Variants in SYN1 observed in about 807,000 individuals in gnomAD.
The protein encoded by SYN1 is synapsin I, also known as synapsin-1.
In SYN1, 8 loss-of-function variants were observed where a neutral mutation model predicts 44.6. That is an observed-to-expected ratio of 0.18 (90% CI 0.11 to 0.32). The LOEUF (loss-of-function observed/expected upper bound fraction) is 0.32. SYN1 is among the 10% of genes least tolerant of loss of function. The pLI is 1.00. For synonymous variants in SYN1, 275 were observed against 280.1 expected, an observed-to-expected ratio of 0.98 and a Z score of 0.18; for missense variants, 451 against 639.4, an observed-to-expected ratio of 0.71 and a Z score of 3.18.
chrX:47,588,181 C>G (rs1371454752), intron 5 of SYN1, among the ~76,000 whole-genome samples: 1 of 112,946 alleles, frequency 8.9e-6, no homozygotes, highest in Non-Finnish European at 1.9e-5. Flanking sequence ...ACATCTACAC[C>G]TTGGTTACGC....
Position 47,604,895 on chromosome X carries a change from C to T in SYN1, c.774+83G>A, listed in dbSNP as rs1603070453. 3 of 925,211 alleles carry T rather than the reference C, an allele frequency of 3.2e-6. No individual in the cohort carries two copies. The East Asian group carries it at 9.7e-5, about 30-fold the overall frequency. The allele number at this position is 925,211 out of a possible 1,213,427, so 76.2% of individuals were successfully genotyped here. A position where few individuals can be genotyped will look rare whatever the true frequency, so the allele number is the denominator to read the frequency against. ...CAGCAGCCACACTCTTGATATCGCA[C>T]TGCTGATAATATACCAATATTTAAT... On this transcript the variant is annotated intron_variant, in intron 5 of 12. Transcript: ENST00000295987.
At chrX:47,604,252 T>G (rs1417857586) in intron 5 of SYN1, among the ~76,000 whole-genome samples, 1 of 107,485 alleles carries the variant, frequency 9.3e-6, no homozygotes, top group East Asian at 2.9e-4. Flanking sequence ...CAATTTCTAT[T>G]AATTAATTAA....
At chrX:47,598,462 C>T (rs2057870115) in intron 5 of SYN1, among the ~76,000 whole-genome samples, 1 of 111,153 alleles carries the variant, frequency 9.0e-6, no homozygotes, top group African/African-American at 3.3e-5. Flanking sequence ...TTTGGGAGGC[C>T]AAGGTGGGTA....
chrX:47,573,024 TGGGAGGAAGGGGGAAGAGGAAG>T, intron 12 of SYN1, 25 bp from the exon 13 acceptor site: 1 of 1,206,440 alleles, frequency 8.3e-7, no homozygotes, highest in Non-Finnish European at 1.1e-6. Flanking sequence ...GGTGGAGGCG[TGGGAGGAAGGGGGAAGAGGAAG>T]GGGAGGAAGG....
chrX:47,616,216 C>T (rs1250192178), intron 1 of SYN1, among the ~76,000 whole-genome samples: 1 of 110,886 alleles, frequency 9.0e-6, no homozygotes, highest in African/African-American at 3.3e-5. Flanking sequence ...TCCACCCCAC[C>T]CCACATATAG....
chrX:47,584,939 T>G (rs758994538), intron 5 of SYN1: 3 of 1,210,837 alleles, frequency 2.5e-6, no homozygotes, highest in Non-Finnish European at 2.2e-6. Context: ...CCTGCAGTCA[T>G]CAGGGCCAAG....
chrX:47,604,119 G>A (rs1386496005), intron 5 of SYN1, among the ~76,000 whole-genome samples: 9 of 109,942 alleles, frequency 8.2e-5, no homozygotes, highest in Admixed American at 2.9e-4. Context: ...ATGTTGGTCA[G>A]GCTGGTCTCA....
chrX:47,605,901 C>CT (rs796468221), intron 3 of SYN1, among the ~76,000 whole-genome samples: 85 of 104,363 alleles, frequency 8.1e-4, no homozygotes, highest in Middle Eastern at 4.8e-3. Flanking sequence ...ATATTTTTTT[C>CT]TTTTTTTTTT....
intron 1 of SYN1, among the ~76,000 whole-genome samples, chrX:47,607,912 C>G (rs1177950288): frequency 9.0e-6 from 1 of 110,934 alleles, no homozygotes; most frequent in African/African-American, 3.3e-5. Context: ...TGCCTGTATT[C>G]CCAGCTACTT....
chrX:47,608,263 GAA>G (rs773150094), intron 1 of SYN1, among the ~76,000 whole-genome samples: 10,064 of 24,412 alleles, frequency 0.41, 780 homozygotes, highest in South Asian at 0.63. Flanking sequence ...AGGAAGGAAG[GAA>G]GGAAGGAAGG....
Position 47,605,040 on chromosome X carries a change from T to C in SYN1, c.712A>G (p.Lys238Glu), listed in dbSNP as rs775570627. 1.9e-5 allele frequency: 23 copies of C among 1,210,070 alleles called. No homozygotes were observed. Among genetic ancestry groups the C allele is most frequent in the Non-Finnish European group, 2.5e-5 (22 of 895,177 alleles). Residue 238 changes from lysine (K) to glutamate (E), a missense_variant, in exon 5 of 13, where the codon AAA becomes GAA. Physicochemically the swap from Lys to Glu is moderately conservative, Grantham distance 56. Coordinates refer to ENST00000295987, the MANE Select transcript of SYN1 (RefSeq NM_006950.3). The part of the protein sequence containing the change: ...VFAQMVRLHK[K>E]LGTEEFPLID... ...AGAGGGAATTCTTCTGTCCCCAGTT[T>C]CTTATGCAGTCGAACCATCTGGGCA...
Position 47,585,640 on chromosome X carries a change from C to G in SYN1, c.775-8139G>C, listed in dbSNP as rs748919584. The G allele has an allele frequency of 1.1e-5, 13 of 1,203,261 alleles. No homozygotes were observed. In the South Asian group the frequency reaches 2.4e-4, roughly 22 times the overall value. On this transcript the variant is annotated intron_variant, in intron 5 of 12. Coordinates refer to ENST00000295987, the MANE Select transcript of SYN1 (RefSeq NM_006950.3). ...CTCAGCGCCGGGGCTTCACCAAGACCTACACTGTTGGCTGTGAGGAATGCA... is the reference window on the plus strand; with the variant it reads ...CTCAGCGCCGGGGCTTCACCAAGACGTACACTGTTGGCTGTGAGGAATGCA...
rs770242868 is a variant in SYN1 at position 47,586,471 on chromosome X, C to T, written c.775-8970G>A. Reference sequence around the variant, plus strand: ...GCTGAGGAGAGGAAGTTCTGCTCCACGGGGGAGGCAGGGAGAAGCCCTCAG... The same window carrying T: ...GCTGAGGAGAGGAAGTTCTGCTCCATGGGGGAGGCAGGGAGAAGCCCTCAG... On this transcript the variant is annotated intron_variant, in intron 5 of 12. Transcript: ENST00000295987. The T allele has an allele frequency of 1.1e-4, 128 of 1,187,763 alleles. 1 individual carries two copies. In the South Asian group the frequency reaches 1.9e-3, roughly 17 times the overall value.
intron 5 of SYN1, among the ~76,000 whole-genome samples, chrX:47,578,568 C>T: frequency 9.0e-6 from 1 of 111,715 alleles, no homozygotes; most frequent in Non-Finnish European, 1.9e-5. Flanking sequence ...GAAAACATTC[C>T]TGGGCACTCC....
intron 5 of SYN1, among the ~76,000 whole-genome samples, chrX:47,579,849 G>GC (rs140381513): frequency 0.21 from 17,207 of 81,237 alleles, 1,431 homozygotes; most frequent in East Asian, 0.28. Context: ...TGTTTTTGTC[G>GC]CCCCCCCACC....
intron 10 of SYN1, 108 bp from the exon 11 acceptor site, chrX:47,574,883 G>A (rs2057772589): frequency 1.1e-6 from 1 of 870,642 alleles, no homozygotes; most frequent in Non-Finnish European, 1.7e-6. Flanking sequence ...CCCCACTTGT[G>A]GCTGAGCTGA....
At chrX:47,585,060 C>A in intron 5 of SYN1, 4 of 1,191,427 alleles carry the variant, frequency 3.4e-6, no homozygotes, top group Admixed American at 2.3e-5. Context: ...CTAACATCTT[C>A]CTCCTGGTCA....
chrX:47,582,388 C>T (rs747438667), intron 5 of SYN1: 29 of 205,911 alleles, frequency 1.4e-4, no homozygotes, highest in South Asian at 1.4e-3. Context: ...CCCGCTGCCA[C>T]CCCCGCCCCT....
chrX:47,575,542 T>C (rs984830086), intron 9 of SYN1, among the ~76,000 whole-genome samples: 9 of 112,817 alleles, frequency 8.0e-5, no homozygotes, highest in South Asian at 3.6e-4. Context: ...GGATGGGTCT[T>C]TAAATTTTGT....
Sources: allele counts gnomAD v4.1 joint callset (sites outside exome capture counted in the v4.1 genomes callset), GRCh38; gene constraint gnomAD v4.1.1; transcripts MANE v1.5; gene names NCBI Gene and HGNC (gene_info 2026-07-23, HGNC 2026-07-21).